Variants in SPACA6 observed in about 807,000 individuals in gnomAD.
SPACA6 encodes the protein sperm acrosome associated 6, also known as sperm acrosome membrane-associated protein 6.
For synonymous variants in SPACA6, 6 were observed against 1.5 expected (o/e 4.05, Z -2.21); for missense variants, 8 against 2.8 (o/e 2.88, Z -1.34).
upstream of SPACA6, among the ~76,000 whole-genome samples, chr19:51,690,359 C>G (rs1052130897): frequency 6.6e-6 from 1 of 152,138 alleles, no homozygotes; most frequent in African/African-American, 2.4e-5. Flanking sequence ...GCGCGGCCCC[C>G]AACCCTCTGT....
chr19:51,710,887 C>G (rs1007132863), intron 2 of SPACA6, among the ~76,000 whole-genome samples: 1 of 152,172 alleles, frequency 6.6e-6, no homozygotes, highest in Admixed American at 6.5e-5. Flanking sequence ...TGAGACCAGC[C>G]TGGCCAACAT....
chr19:51,695,083 C>G (rs1374824293), intron 2 of SPACA6, among the ~76,000 whole-genome samples: 1 of 152,156 alleles, frequency 6.6e-6, no homozygotes, highest in Non-Finnish European at 1.5e-5. Flanking sequence ...CACACACACA[C>G]ACAGATTTCT....
rs2083508292 is a variant in SPACA6, at chr19:51,705,088, A to G, written c.942-2A>G. ...AACACACATACCTCTTTGTTTCCCC[A>G]GGATGTTCTTTCGATGGTACTGCAG... On this transcript the variant is annotated splice_acceptor_variant, in intron 8 of 8. Transcript: ENST00000637797. LOFTEE classifies it high-confidence loss of function. 2.5e-6 allele frequency: 1 copy of G among 401,110 alleles called. No individual in the cohort carries two copies. 24.8% of individuals were successfully genotyped at this position (401,110 alleles called of 1,614,324 possible).
upstream of SPACA6, among the ~76,000 whole-genome samples, chr19:51,688,774 T>G: frequency 6.8e-6 from 1 of 147,324 alleles, no homozygotes; most frequent in Non-Finnish European, 1.5e-5. Flanking sequence ...AGAAAGAGGA[T>G]GGAGATAGGG....
downstream of SPACA6, chr19:51,713,103 A>C (rs3829651): frequency 0.074 from 20,177 of 274,466 alleles, 810 homozygotes; most frequent in Middle Eastern, 0.1. This position sits in a 1 kb window ranked among gnomAD's most constrained non-coding sequence, Gnocchi z 4.5. Context: ...AAAAAGGTGG[A>C]GGCTGGGGGA....
chr19:51,692,233 G>C (rs1256355625), upstream of SPACA6, among the ~76,000 whole-genome samples: 2 of 152,040 alleles, frequency 1.3e-5, no homozygotes, highest in Non-Finnish European at 2.9e-5. The surrounding 1 kb of genome is among the most constrained non-coding windows in gnomAD (Gnocchi z 5.6). Flanking sequence ...GACAAATGAG[G>C]TTCCCTCCCA....
At position 51,703,082 on chromosome 19, in the gene SPACA6, C is replaced by T; in HGVS notation, c.447C>T (p.Leu149=). 1 of 399,426 alleles carries T rather than the reference C, an allele frequency of 2.5e-6. No homozygotes were observed. Among genetic ancestry groups the T allele is most frequent in the South Asian group, 1.3e-4 (1 of 7,866 alleles). The allele number at this position is 399,426 out of a possible 1,614,324, so 24.7% of individuals were successfully genotyped here. ...GGTGCTACTCTAGGGTCTGCGACCT[C>T]CCGCTGGACTGCCCAGGTGAGGGGG... is the stretch of plus-strand genomic sequence containing the variant. ...CSGCYSRVCD[L]PLDCPVQDVT... is the part of the protein sequence containing the mutation. The change falls in exon 5 of 9, where the codon CTC becomes CTT. Residue 149 remains leucine, a synonymous_variant. Transcript: ENST00000637797. The surrounding 1 kb of genome is among the most constrained non-coding windows in gnomAD (Gnocchi z 4.2).
At chr19:51,695,284 G>T (rs2083420917) in intron 2 of SPACA6, among the ~76,000 whole-genome samples, 1 of 152,196 alleles carries the variant, frequency 6.6e-6, no homozygotes, top group Non-Finnish European at 1.5e-5. Flanking sequence ...GCCACGCAAT[G>T]CCGATGGGCA....
chr19:51,699,701 T>C (rs1375008864), intron 2 of SPACA6, among the ~76,000 whole-genome samples: 1 of 152,148 alleles, frequency 6.6e-6, no homozygotes, highest in Non-Finnish European at 1.5e-5. Context: ...CATACTGCAT[T>C]ACAGCCCACC....
intron 2 of SPACA6, among the ~76,000 whole-genome samples, chr19:51,695,072 T>A (rs987730510): frequency 6.6e-6 from 1 of 151,390 alleles, no homozygotes; most frequent in African/African-American, 2.4e-5. Flanking sequence ...ACACTCACAC[T>A]CACACACACA....
chr19:51,702,520 C>T (rs530089845), intron 3 of SPACA6, 109 bp from the exon 4 acceptor site: 2 of 398,180 alleles, frequency 5.0e-6, no homozygotes, highest in African/African-American at 4.1e-5. Context: ...AAAGCTTGGC[C>T]CCGCCCCCTC....
upstream of SPACA6, chr19:51,688,032 A>G (rs1040372109): frequency 6.6e-6 from 1 of 151,904 alleles, no homozygotes; most frequent in African/African-American, 2.4e-5. Flanking sequence ...TCCACTCCAC[A>G]CAGCCTCAGC....
intron 2 of SPACA6, among the ~76,000 whole-genome samples, chr19:51,700,035 C>T (rs10416334): frequency 6.6e-6 from 1 of 152,104 alleles, no homozygotes; most frequent in Non-Finnish European, 1.5e-5. Context: ...AGGCGGATCA[C>T]CTGAGGTTAG....
chr19:51,697,647 G>GC (rs1212586491), intron 2 of SPACA6, among the ~76,000 whole-genome samples: 1 of 152,100 alleles, frequency 6.6e-6, no homozygotes. Context: ...GATGACTTTT[G>GC]CGTCTCCTCC....
chr19:51,705,914 T>C (rs1169253784), downstream of SPACA6, among the ~76,000 whole-genome samples: 1 of 152,178 alleles, frequency 6.6e-6, no homozygotes, highest in Non-Finnish European at 1.5e-5. Context: ...CAGGCTGTTC[T>C]TGAACTCCTA....
Position 51,702,668 on chromosome 19 carries a change from A to G in SPACA6, c.385+16A>G. ...CCTCCCTGCGGTAAGGACTTCATCTAAAACTTGGAAATTGCGGGGTAAGGG... is the reference window on the plus strand; with the variant it reads ...CCTCCCTGCGGTAAGGACTTCATCTGAAACTTGGAAATTGCGGGGTAAGGG... On this transcript the variant is annotated intron_variant, in intron 4 of 8. Coordinates refer to ENST00000637797, the MANE Select transcript of SPACA6 (RefSeq NM_001316972.2). 1 of 399,232 alleles carries G rather than the reference A, an allele frequency of 2.5e-6. No homozygotes were observed. Among genetic ancestry groups the G allele is most frequent in the Non-Finnish European group, 4.4e-6 (1 of 226,184 alleles). 24.7% of individuals were successfully genotyped at this position (399,232 alleles called of 1,614,324 possible). A position where few individuals can be genotyped will look rare whatever the true frequency, so the allele number is the denominator to read the frequency against.
upstream of SPACA6, chr19:51,686,252 T>G (rs1445309497): frequency 1.3e-5 from 2 of 152,216 alleles, no homozygotes; most frequent in East Asian, 3.8e-4. Context: ...AGTCATTTAT[T>G]ATTCACTCAT....
At chr19:51,698,983 G>A (rs576516500) in intron 2 of SPACA6, among the ~76,000 whole-genome samples, 2 of 152,250 alleles carry the variant, frequency 1.3e-5, no homozygotes, top group African/African-American at 2.4e-5. Context: ...ATGGATGAGG[G>A]GAACAATAAG....
upstream of SPACA6, among the ~76,000 whole-genome samples, chr19:51,691,657 GGA>G (rs2083373983): frequency 6.6e-6 from 1 of 152,040 alleles, no homozygotes; most frequent in Non-Finnish European, 1.5e-5. Flanking sequence ...AAAGAAAGAG[GGA>G]GAGAGAAAAA....
Sources: allele counts gnomAD v4.1 joint callset (sites outside exome capture counted in the v4.1 genomes callset), GRCh38; gene constraint gnomAD v4.1.1; non-coding constraint Gnocchi (gnomAD v3.1); transcripts MANE v1.5; gene names NCBI Gene and HGNC (gene_info 2026-07-23, HGNC 2026-07-21).